MINDY2: variants seen among roughly 807,000 people sequenced by gnomAD.
MINDY2 encodes ubiquitin carboxyl-terminal hydrolase MINDY-2.
In MINDY2, 52 loss-of-function variants were observed where a neutral mutation model predicts 68.2. The ratio of observed to expected loss-of-function variants is 0.76; its 90% CI spans 0.61 to 0.96. MINDY2 has a LOEUF of 0.96. Among genes scored for constraint, MINDY2 ranks in the 40% least tolerant of loss-of-function variants. The pLI is 0.00. For synonymous variants in MINDY2, 372 were observed against 303.0 expected (o/e 1.23, Z -2.36); for missense variants, 881 against 773.4 (o/e 1.14, Z -1.65).
At chr15:58,816,668 CTA>C (rs35589397) in intron 4 of MINDY2, among the ~76,000 whole-genome samples, 7,232 of 152,144 alleles carry the variant, frequency 0.048, 212 homozygotes, top group East Asian at 0.089. Flanking sequence ...CTAGGGCACT[CTA>C]GAGCAATGGG....
intron 2 of MINDY2, among the ~76,000 whole-genome samples, chr15:58,799,542 G>T (rs1902504220): frequency 6.7e-6 from 1 of 148,802 alleles, no homozygotes. Flanking sequence ...TGGCACCACT[G>T]CACTCCAGCC....
chr15:58,818,066 A>G lies in MINDY2; in HGVS notation c.1123-3651A>G, dbSNP rs1179207466. On this transcript the variant is annotated intron_variant, in intron 4 of 8. Transcript: ENST00000559228. ...GGAATACTGTACTACAGTGAAAACA[A>G]ACATCTGCATACCACTATATACAAC... Among the ~76,000 whole-genome samples, 12 of 152,234 alleles carry G rather than the reference A, an allele frequency of 7.9e-5. No individual in the cohort carries two copies. The East Asian group carries it at 2.3e-3, about 29-fold the overall frequency.
intron 4 of MINDY2, among the ~76,000 whole-genome samples, chr15:58,819,183 T>G (rs2030898599): frequency 6.6e-6 from 1 of 152,210 alleles, no homozygotes; most frequent in Non-Finnish European, 1.5e-5. Flanking sequence ...GCATGGTGGC[T>G]AACGCCTGTG....
chr15:58,796,236 T>C (rs1208906794), intron 2 of MINDY2: 4 of 432,572 alleles, frequency 9.2e-6, no homozygotes, highest in Middle Eastern at 3.4e-4. Context: ...AGTTAGAATC[T>C]ATGCTGTTGT....
At chr15:58,842,443 C>T (rs1251716424) in intron 6 of MINDY2, among the ~76,000 whole-genome samples, 1 of 151,968 alleles carries the variant, frequency 6.6e-6, no homozygotes, top group Non-Finnish European at 1.5e-5. Flanking sequence ...TGACTAAGGC[C>T]ATAGTGGAAA....
intron 2 of MINDY2, among the ~76,000 whole-genome samples, chr15:58,801,722 C>T (rs903187931): frequency 6.6e-6 from 1 of 152,174 alleles, no homozygotes; most frequent in Admixed American, 6.5e-5. Context: ...TCACTGCAGC[C>T]TCCACCTCCC....
chr15:58,821,965 A>G, intron 5 of MINDY2, 146 bp downstream of exon 5: 1 of 543,660 alleles, frequency 1.8e-6, no homozygotes. Flanking sequence ...GTAACCATCC[A>G]TAGGCTGGGC....
At chr15:58,828,114 C>T (rs960387535) in intron 5 of MINDY2, among the ~76,000 whole-genome samples, 6 of 150,788 alleles carry the variant, frequency 4.0e-5, no homozygotes, top group Admixed American at 4.0e-4. Context: ...GCCGAGATAG[C>T]GCCACTGCAC....
chr15:58,840,774 A>G (rs1390024602), intron 6 of MINDY2, among the ~76,000 whole-genome samples: 1 of 148,436 alleles, frequency 6.7e-6, no homozygotes, highest in Non-Finnish European at 1.5e-5. Context: ...CTCCTGCCTC[A>G]GCCTCCCGAG....
At chr15:58,811,379 A>C (rs1244889794) in intron 4 of MINDY2, among the ~76,000 whole-genome samples, 2 of 152,256 alleles carry the variant, frequency 1.3e-5, no homozygotes, top group Admixed American at 6.5e-5. Flanking sequence ...CCTGGCAGGA[A>C]GTAGACGACA....
intron 2 of MINDY2, chr15:58,796,111 G>A (rs1902265241): frequency 6.6e-6 from 3 of 455,918 alleles, no homozygotes; most frequent in Non-Finnish European, 1.3e-5. Flanking sequence ...AGGAAATGGA[G>A]CCTCAAGGGC....
At position 58,771,950 on chromosome 15, in the gene MINDY2, T is replaced by C. The variant is rs1388518116; in HGVS notation, c.555T>C (p.Phe185=). Reference sequence around the variant, plus strand: ...AGTCGTTCTCTAACCTGCATTCTTTTCCCAGTAGCTGCGAGTTCAATAGTG... The same window carrying C: ...AGTCGTTCTCTAACCTGCATTCTTTCCCCAGTAGCTGCGAGTTCAATAGTG... The part of the protein sequence containing the change: ...SLESFSNLHS[F]PSSCEFNSEE... The change falls in exon 1 of 9, where the codon TTT becomes TTC. Residue 185 remains phenylalanine, a synonymous_variant. Coordinates refer to ENST00000559228, the MANE Select transcript of MINDY2 (RefSeq NM_001040450.3). The C allele has an allele frequency of 6.4e-7, 1 of 1,556,286 alleles. No homozygotes were observed. Among genetic ancestry groups the C allele is most frequent in the Non-Finnish European group, 8.7e-7 (1 of 1,152,992 alleles).
intron 6 of MINDY2, among the ~76,000 whole-genome samples, chr15:58,836,370 A>G (rs1440254004): frequency 2.6e-5 from 4 of 151,692 alleles, no homozygotes; most frequent in Admixed American, 6.6e-5. Context: ...GAATAGTTCT[A>G]TGGATGGTTT....
intron 1 of MINDY2, among the ~76,000 whole-genome samples, chr15:58,775,645 A>G (rs1900726290): frequency 6.6e-6 from 1 of 152,172 alleles, no homozygotes. Context: ...GACTATAAGA[A>G]GTGAAGACAG....
intron 3 of MINDY2, among the ~76,000 whole-genome samples, chr15:58,804,260 A>G (rs1399266602): frequency 6.6e-6 from 1 of 152,230 alleles, no homozygotes; most frequent in South Asian, 2.1e-4. Context: ...ACCTCTTTTC[A>G]AATGAAATCT....
chr15:58,778,598 T>C (rs1244504906), intron 1 of MINDY2, among the ~76,000 whole-genome samples: 1 of 151,492 alleles, frequency 6.6e-6, no homozygotes, highest in African/African-American at 2.4e-5. Flanking sequence ...GGGAACTGTT[T>C]GCCAGATTAT....
intron 2 of MINDY2, among the ~76,000 whole-genome samples, chr15:58,791,745 C>T (rs1901957953): frequency 6.6e-6 from 1 of 151,018 alleles, no homozygotes; most frequent in Non-Finnish European, 1.5e-5. Context: ...CATATTGCTA[C>T]TGGCTACTGT....
At chr15:58,831,740 T>C in intron 5 of MINDY2, 34 bp from the exon 6 acceptor site, 1 of 1,556,188 alleles carries the variant, frequency 6.4e-7, no homozygotes, top group Non-Finnish European at 8.7e-7. Context: ...TTTGAAATTA[T>C]TCTTCTATCT....
rs1342478844 is a variant in MINDY2, at chr15:58,855,140, A to G, written c.*530A>G. ...ATAACCCTTAATTGTATATTGGACT[A>G]GTTCAGCCCTTAAACAGCTTTACCT... is the stretch of plus-strand genomic sequence containing the variant. On this transcript the variant is annotated 3_prime_UTR_variant, in exon 9 of 9. Transcript: ENST00000559228. The G allele has an allele frequency of 1.3e-5, 2 of 152,856 alleles. No homozygotes were observed. The highest frequency in any genetic ancestry group is 2.9e-5 in the Non-Finnish European group (2 of 68,170). 9.5% of individuals were successfully genotyped at this position (152,856 alleles called of 1,614,324 possible).
Sources: allele counts gnomAD v4.1 joint callset (sites outside exome capture counted in the v4.1 genomes callset), GRCh38; gene constraint gnomAD v4.1.1; transcripts MANE v1.5; gene names NCBI Gene and HGNC (gene_info 2026-07-23, HGNC 2026-07-21).